CACNB2: variants seen among roughly 807,000 people sequenced by gnomAD.
CACNB2 encodes the protein voltage-dependent L-type calcium channel subunit beta-2.
In CACNB2, 42 loss-of-function variants were observed where a neutral mutation model predicts 73.3. The ratio of observed to expected loss-of-function variants is 0.57; its 90% CI spans 0.45 to 0.74. CACNB2 has a LOEUF of 0.74. CACNB2 is among the 30% of genes least tolerant of loss of function. CACNB2 has a pLI of 0.00. For synonymous variants in CACNB2, 348 were observed against 310.3 expected (o/e 1.12, Z -1.28); for missense variants, 940 against 853.0 (o/e 1.10, Z -1.27).
At chr10:18,156,874 G>GAAA (rs397697859) in intron 2 of CACNB2, among the ~76,000 whole-genome samples, 1 of 142,394 alleles carries the variant, frequency 7.0e-6, no homozygotes, top group Admixed American at 7.1e-5. Flanking sequence ...ACTAAAAGTA[G>GAAA]AAAAAAAAAA....
intron 2 of CACNB2, among the ~76,000 whole-genome samples, chr10:18,202,319 C>T (rs113436956): frequency 3.9e-5 from 6 of 152,262 alleles, no homozygotes; most frequent in African/African-American, 1.2e-4. Context: ...TGAGGATCCT[C>T]GGTTACACAG....
intron 3 of CACNB2, among the ~76,000 whole-genome samples, chr10:18,450,038 C>A (rs2046941073): frequency 6.6e-6 from 1 of 152,234 alleles, no homozygotes; most frequent in Non-Finnish European, 1.5e-5. Flanking sequence ...GGCAACAAAT[C>A]TCTTCAGTGG....
At chr10:18,430,817 A>G (rs1357588732) in intron 3 of CACNB2, among the ~76,000 whole-genome samples, 1 of 152,208 alleles carries the variant, frequency 6.6e-6, no homozygotes. Context: ...AAAAGTACAT[A>G]TTACTTGATT....
rs1347290381 is a variant in CACNB2, at chr10:18,213,795, G to A, written c.213+62820G>A. Among the ~76,000 whole-genome samples the A allele has an allele frequency of 2.6e-5, 4 of 152,212 alleles. 1 individual carries two copies. Among genetic ancestry groups the A allele is most frequent in the Admixed American group, 6.5e-5 (1 of 15,276 alleles). On this transcript the variant is annotated intron_variant, in intron 2 of 13. Coordinates refer to ENST00000324631, the MANE Select transcript of CACNB2 (RefSeq NM_201596.3). ...CTAGAAGAGCCATCTCTGGAGTCAG[G>A]ACAGAGTATCTGTGGCCAAGAATTA...
At chr10:18,182,784 T>C (rs1196948709) in intron 2 of CACNB2, among the ~76,000 whole-genome samples, 2 of 150,772 alleles carry the variant, frequency 1.3e-5, no homozygotes, top group Non-Finnish European at 2.9e-5. Context: ...ATCGCACCAC[T>C]GTACTCCAGC....
chr10:18,240,241 C>T (rs980995697), intron 2 of CACNB2, among the ~76,000 whole-genome samples: 3 of 152,292 alleles, frequency 2.0e-5, no homozygotes, highest in East Asian at 3.9e-4. Context: ...CTCTCTTGAA[C>T]AATATTATTC....
intron 5 of CACNB2, among the ~76,000 whole-genome samples, chr10:18,501,276 G>A (rs1005437832): frequency 6.6e-6 from 1 of 152,196 alleles, no homozygotes; most frequent in African/African-American, 2.4e-5. Flanking sequence ...CATAGCCCTG[G>A]TGACTAATCC....
At chr10:18,432,577 A>G (rs2045941287) in intron 3 of CACNB2, among the ~76,000 whole-genome samples, 1 of 152,192 alleles carries the variant, frequency 6.6e-6, no homozygotes, top group Admixed American at 6.5e-5. Flanking sequence ...TTACACCTGT[A>G]TTCCCAGCAC....
chr10:18,413,895 G>A (rs10734052), intron 3 of CACNB2, among the ~76,000 whole-genome samples: 135,735 of 152,334 alleles, frequency 0.89, 60,813 homozygotes, highest in African/African-American at 0.97. Context: ...GGCAACTGGG[G>A]CACACAGCAC....
At chr10:18,314,950 T>A (rs1000425487) in intron 2 of CACNB2, among the ~76,000 whole-genome samples, 11 of 152,198 alleles carry the variant, frequency 7.2e-5, no homozygotes, top group South Asian at 2.1e-4. Context: ...TTTCTTTTTT[T>A]AAAAAATACT....
At position 18,417,360 on chromosome 10, in the gene CACNB2, C is replaced by CT. The variant is rs34847923; in HGVS notation, c.333+15342dup. ...AAACAAAAATCTTGAGCTAAAAATT[C>CT]TTTTTTTTTTTTTTTTTTTTTTTTT... On this transcript the variant is annotated intron_variant, in intron 3 of 13. Transcript: ENST00000324631. 9.4e-3 allele frequency among the ~76,000 whole-genome samples: 821 copies of CT among 86,990 alleles called. 23 individuals are homozygous for CT. Among genetic ancestry groups the CT allele is most frequent in the African/African-American group, 0.031 (599 of 19,310 alleles). The allele number at this position is 86,990 out of a possible 152,430, so 57.1% of individuals were successfully genotyped here.
chr10:18,478,431 C>A (rs879895053), intron 3 of CACNB2, among the ~76,000 whole-genome samples: 1 of 152,108 alleles, frequency 6.6e-6, no homozygotes, highest in Non-Finnish European at 1.5e-5. Context: ...GAAGTGTATA[C>A]GGTGAAAAAT....
chr10:18,356,685 C>T (rs963578148), intron 2 of CACNB2, among the ~76,000 whole-genome samples: 5 of 151,988 alleles, frequency 3.3e-5, no homozygotes, highest in Admixed American at 6.6e-5. Context: ...AGCTAGAGTG[C>T]ACTGACATGA....
intron 2 of CACNB2, among the ~76,000 whole-genome samples, chr10:18,240,486 G>T (rs886829210): frequency 6.6e-6 from 1 of 152,110 alleles, no homozygotes; most frequent in Non-Finnish European, 1.5e-5. Context: ...TAACCAGGTC[G>T]CTCACTATTA....
rs898899181 is a variant in CACNB2 at position 18,293,531 on chromosome 10, A to C, written c.214-108393A>C. On this transcript the variant is annotated intron_variant, in intron 2 of 13. Transcript: ENST00000324631. ...GGCATGTTTCTACCATGAAAGCAAA[A>C]CTTGAAACATTAAGCTCAGACTCTA... 7.9e-5 allele frequency among the ~76,000 whole-genome samples: 12 copies of C among 152,332 alleles called. No individual in the cohort carries two copies. The South Asian group carries it at 1.0e-3, about 13-fold the overall frequency.
At chr10:18,430,445 GGAGACCCT>G (rs1293430934) in intron 3 of CACNB2, among the ~76,000 whole-genome samples, 3 of 151,930 alleles carry the variant, frequency 2.0e-5, no homozygotes, top group Non-Finnish European at 4.4e-5. Context: ...CACTACATAG[GGAGACCCT>G]GTCTCTTAAA....
At chr10:18,366,452 G>A (rs1369986217) in intron 2 of CACNB2, among the ~76,000 whole-genome samples, 2 of 141,032 alleles carry the variant, frequency 1.4e-5, no homozygotes, top group African/African-American at 5.3e-5. Context: ...GCGACAGAGT[G>A]AGACTCCGTC....
intron 3 of CACNB2, among the ~76,000 whole-genome samples, chr10:18,471,191 A>G (rs1175220368): frequency 5.3e-5 from 8 of 152,148 alleles, no homozygotes; most frequent in Admixed American, 1.3e-4. Flanking sequence ...CTGTAATCCC[A>G]GCTACTCGGG....
At chr10:18,332,267 T>A (rs1230164649) in intron 2 of CACNB2, among the ~76,000 whole-genome samples, 1 of 151,422 alleles carries the variant, frequency 6.6e-6, no homozygotes, top group African/African-American at 2.4e-5. Flanking sequence ...CTAAAGGGAG[T>A]GGTGGTGAGA....
Sources: allele counts gnomAD v4.1 joint callset (sites outside exome capture counted in the v4.1 genomes callset), GRCh38; gene constraint gnomAD v4.1.1; transcripts MANE v1.5; gene names NCBI Gene and HGNC (gene_info 2026-07-23, HGNC 2026-07-21).